TSPAN17: variants seen among roughly 807,000 people sequenced by gnomAD.
The protein encoded by TSPAN17 is tetraspanin 17.
Under a neutral mutation model 40.5 loss-of-function variants are expected in TSPAN17, and 33 were observed. The ratio of observed to expected loss-of-function variants is 0.81; its 90% CI spans 0.62 to 1.09. The LOEUF (loss-of-function observed/expected upper bound fraction) is 1.09, where lower values mean the gene tolerates loss of function less well. Among genes scored for constraint, TSPAN17 ranks in the 50% least tolerant of loss-of-function variants. The pLI, the probability that TSPAN17 is intolerant of heterozygous loss-of-function variation, is 0.00. For synonymous variants in TSPAN17, 166 were observed against 169.4 expected (o/e 0.98, Z 0.15); for missense variants, 365 against 416.8 (o/e 0.88, Z 1.08).
intron 3 of TSPAN17, among the ~76,000 whole-genome samples, chr5:176,652,433 T>G (rs1230855072): frequency 1.3e-5 from 2 of 152,196 alleles, no homozygotes; most frequent in Non-Finnish European, 2.9e-5. Context: ...TTGCCAGTCC[T>G]GTATCTGGGA....
rs188314085 is a variant in TSPAN17, at chr5:176,647,605, G to A, written c.-11G>A. ...GGCTCCGGTTTCCGGGCCGGCGGGT[G>A]GCCGCTCACCATGCCCGGCAAGCAC... is the stretch of plus-strand genomic sequence containing the variant. On this transcript the variant is annotated 5_prime_UTR_variant, in exon 1 of 9. Transcript: ENST00000508164. 1,616 of 1,555,196 alleles carry A rather than the reference G, an allele frequency of 1.0e-3. 22 individuals carry two copies. The African/African-American group carries it at 0.02, about 19-fold the overall frequency.
At chr5:176,657,161 A>G (rs1761190949) in intron 8 of TSPAN17, 1 of 627,916 alleles carries the variant, frequency 1.6e-6, no homozygotes. Context: ...CTTGTCCCAT[A>G]TGCGTGTGTA....
At position 176,657,587 on chromosome 5, in the gene TSPAN17, G is replaced by A. The variant is rs145342623; in HGVS notation, c.879G>A (p.Ala293=). The A allele has an allele frequency of 1.7e-5, 27 of 1,613,562 alleles. No homozygotes were observed. Among genetic ancestry groups the A allele is most frequent in the African/African-American group, 5.3e-5 (4 of 74,918 alleles). The part of the protein sequence containing the change: ...TPTISEVLST[A]GPQQNSLTGA... ...CCATTTCCGAGGTCCTGTCCACGGC[G>A]GGGCCTCAGCAGAACTCTCTGACTG... is the stretch of plus-strand genomic sequence containing the variant. Residue 293 remains alanine (A), a synonymous_variant, in exon 9 of 9, where the codon GCG becomes GCA. Transcript: ENST00000508164.
intron 1 of TSPAN17, among the ~76,000 whole-genome samples, chr5:176,647,950 G>C (rs182851845): frequency 7.2e-4 from 110 of 152,286 alleles, no homozygotes; most frequent in African/African-American, 2.5e-3. Flanking sequence ...AAATAATCCC[G>C]AGGCCTGGTG....
chr5:176,647,572 TGGCTCCC>T lies in TSPAN17; in HGVS notation c.-37_-31del, dbSNP rs1203709177. 1 of 1,532,690 alleles carries T rather than the reference TGGCTCCC, an allele frequency of 6.5e-7. No homozygotes were observed. Among genetic ancestry groups the T allele is most frequent in the Admixed American group, 2.0e-5 (1 of 50,484 alleles). The allele number at this position is 1,532,690 out of a possible 1,614,324, so 94.9% of individuals were successfully genotyped here. On this transcript the variant is annotated 5_prime_UTR_variant, in exon 1 of 9. Transcript: ENST00000508164. ...AGGGCGGCCCGCGGGGCGCTGGGCC[TGGCTCCC>T]GGCTCCGGTTTCCGGGCCGGCGGGT...
intron 3 of TSPAN17, among the ~76,000 whole-genome samples, chr5:176,652,212 C>A (rs995165724): frequency 9.9e-5 from 15 of 152,228 alleles, no homozygotes; most frequent in Admixed American, 3.3e-4. Flanking sequence ...GGGCTCCCCC[C>A]GTTTGGCTCC....
rs1761030144 is a variant in TSPAN17, at chr5:176,653,016, G to A, written c.456+103G>A. ...ATGGGACCATCTCCTTACCCACCTG[G>A]GCTAGCGGGCCCCAGGAGAGAGACC... is the stretch of plus-strand genomic sequence containing the variant. On this transcript the variant is annotated intron_variant, in intron 4 of 8. Transcript: ENST00000508164. The A allele has an allele frequency of 2.6e-5, 34 of 1,303,330 alleles. 1 individual carries two copies. In the South Asian group the frequency reaches 3.4e-4, roughly 13 times the overall value. The allele number at this position is 1,303,330 out of a possible 1,614,324, so 80.7% of individuals were successfully genotyped here.
At position 176,650,223 on chromosome 5, in the gene TSPAN17, C is replaced by G. The variant is rs1230127860; in HGVS notation, c.88-1393C>G. ...AGGTCTGGGTGGGGATCGGGAGATG[C>G]CAGCGTCATGATGGGATGGAAGACG... On this transcript the variant is annotated intron_variant, in intron 1 of 8. Coordinates refer to ENST00000508164, the MANE Select transcript of TSPAN17 (RefSeq NM_130465.5). The surrounding 1 kb of genome is among the most constrained non-coding windows in gnomAD (Gnocchi z 4.0). Among the ~76,000 whole-genome samples, 1 of 151,982 alleles carries G rather than the reference C, an allele frequency of 6.6e-6. No individual in the cohort carries two copies. Among genetic ancestry groups the G allele is most frequent in the Non-Finnish European group, 1.5e-5 (1 of 67,998 alleles).
At chr5:176,656,476 G>T (rs1246625285) in intron 6 of TSPAN17, among the ~76,000 whole-genome samples, 3 of 152,152 alleles carry the variant, frequency 2.0e-5, no homozygotes, top group African/African-American at 7.2e-5. Context: ...TCAGCTGAGA[G>T]CTTGGAAGAA....
In TSPAN17 at chr5:176,657,890, A is replaced by C; in HGVS notation, c.*192A>C. 1 of 1,075,820 alleles carries C rather than the reference A, an allele frequency of 9.3e-7. No homozygotes were observed. 66.6% of individuals were successfully genotyped at this position (1,075,820 alleles called of 1,614,324 possible). On this transcript the variant is annotated 3_prime_UTR_variant, in exon 9 of 9. Coordinates refer to ENST00000508164, the MANE Select transcript of TSPAN17 (RefSeq NM_130465.5). ...GCTGGCCTCCCACCTCTGCAGGGTT[A>C]TTCCCTGCACCTCGAGGCCGCTGCG...
intron 4 of TSPAN17, 77 bp downstream of exon 4, chr5:176,652,990 G>C: frequency 1.3e-6 from 2 of 1,493,674 alleles, no homozygotes; most frequent in Non-Finnish European, 1.9e-6. Flanking sequence ...AGTTCCCTGT[G>C]ATGGGACCAT....
Position 176,657,767 on chromosome 5 carries a change from G to A in TSPAN17, c.*69G>A. The A allele has an allele frequency of 6.6e-7, 1 of 1,520,516 alleles. No individual in the cohort carries two copies. The allele number at this position is 1,520,516 out of a possible 1,614,324, so 94.2% of individuals were successfully genotyped here. On this transcript the variant is annotated 3_prime_UTR_variant, in exon 9 of 9. Coordinates refer to ENST00000508164, the MANE Select transcript of TSPAN17 (RefSeq NM_130465.5). ...ACCACCTGGCTACGCCGGCTCTTCG[G>A]TGGCAACACTACCTGGGACACTGCC...
chr5:176,648,150 G>T (rs1277713359), intron 1 of TSPAN17, among the ~76,000 whole-genome samples: 2 of 152,150 alleles, frequency 1.3e-5, no homozygotes, highest in Admixed American at 6.5e-5. Context: ...TTCCCTTCCA[G>T]TAGTACCTGG....
At chr5:176,656,846 C>T in intron 7 of TSPAN17, 30 bp downstream of exon 7, 1 of 1,614,144 alleles carries the variant, frequency 6.2e-7, no homozygotes, top group African/African-American at 1.3e-5. Flanking sequence ...TGCCCCTCCC[C>T]TTGCCGGGGC....
At chr5:176,655,910 A>AT (rs1761137663) in intron 5 of TSPAN17, among the ~76,000 whole-genome samples, 168 bp from the exon 6 acceptor site, 1 of 147,918 alleles carries the variant, frequency 6.8e-6, no homozygotes, top group Non-Finnish European at 1.5e-5. Flanking sequence ...CAAAAAAAAA[A>AT]CAAAAGCACA....
rs754616228 is a variant in TSPAN17, at chr5:176,656,115, G to A, written c.620G>A (p.Arg207Gln). 1.2e-5 allele frequency: 19 copies of A among 1,614,012 alleles called. No homozygotes were observed. The highest frequency in any genetic ancestry group is 8.3e-5 in the Admixed American group (5 of 59,996). ...VLNTQCGYDV[R>Q]LKLELEQQGF... The stretch of plus-strand genomic sequence containing the variant: ...AACACCCAGTGTGGCTACGACGTCC[G>A]GCTCAAACTGGTGAGAGGGGTAGGA... Residue 207 changes from arginine (R) to glutamine (Q), a missense_variant, in exon 6 of 9, where the codon CGG becomes CAG. Coordinates refer to ENST00000508164, the MANE Select transcript of TSPAN17 (RefSeq NM_130465.5).
At chr5:176,656,616 G>C (rs1217110769) in intron 6 of TSPAN17, 84 bp from the exon 7 acceptor site, 4 of 1,368,748 alleles carry the variant, frequency 2.9e-6, no homozygotes, top group Non-Finnish European at 3.1e-6. Context: ...TAGACCCTGG[G>C]GTGGGCGTGA....
At chr5:176,647,827 T>G in intron 1 of TSPAN17, 125 bp downstream of exon 1, 1 of 908,732 alleles carries the variant, frequency 1.1e-6, no homozygotes. Context: ...CCCCCACTTC[T>G]GCCACACCCA....
chr5:176,651,131 G>A lies in TSPAN17; in HGVS notation c.88-485G>A, dbSNP rs1760949869. 6.6e-6 allele frequency among the ~76,000 whole-genome samples: 1 copy of A among 152,130 alleles called. No homozygotes were observed. Among genetic ancestry groups the A allele is most frequent in the African/African-American group, 2.4e-5 (1 of 41,440 alleles). ...ACTCTGGCAGGCGGAGGTTAAAGGG[G>A]TAGGATGGGGCTGGGCTGGGGAGGA... On this transcript the variant is annotated intron_variant, in intron 1 of 8. Transcript: ENST00000508164. This position sits in a 1 kb window ranked among gnomAD's most constrained non-coding sequence, Gnocchi z 4.5.
Sources: allele counts gnomAD v4.1 joint callset (sites outside exome capture counted in the v4.1 genomes callset), GRCh38; gene constraint gnomAD v4.1.1; non-coding constraint Gnocchi (gnomAD v3.1); transcripts MANE v1.5; gene names NCBI Gene and HGNC (gene_info 2026-07-23, HGNC 2026-07-21).